The following F13A1 variants were observed in gnomAD, a reference collection of about 807,000 sequenced individuals.
F13A1 encodes FSF, A subunit.
In F13A1, 47 loss-of-function variants were observed where a neutral mutation model predicts 80.1. The observed-to-expected ratio is 0.59, with a 90% CI of 0.46 to 0.75. The LOEUF is 0.75. Among genes scored for constraint, F13A1 ranks in the 30% least tolerant of loss-of-function variants. The probability of loss-of-function intolerance (pLI) is 0.00; values close to 1 mark genes in which losing one functional copy is unlikely to be tolerated. For missense variants in F13A1, 817 were observed against 930.4 expected (o/e 0.88, Z 1.59); for synonymous variants, 349 against 344.9 (o/e 1.01, Z -0.13).
At chr6:6,191,918 A>G (rs1761208604) in intron 10 of F13A1, among the ~76,000 whole-genome samples, 1 of 152,234 alleles carries the variant, frequency 6.6e-6, no homozygotes, top group Non-Finnish European at 1.5e-5. Flanking sequence ...GATGAAAACA[A>G]CAGGGCAGAT....
At chr6:6,257,916 T>C (rs955856676) in intron 4 of F13A1, among the ~76,000 whole-genome samples, 1 of 152,256 alleles carries the variant, frequency 6.6e-6, no homozygotes, top group Non-Finnish European at 1.5e-5. Context: ...ACTTAGCACA[T>C]ATCCTCTAAG....
rs554340116 is a variant in F13A1, at chr6:6,287,843, A to G, written c.319+17508T>C. Among the ~76,000 whole-genome samples, 253 of 152,316 alleles carry G rather than the reference A, an allele frequency of 1.7e-3. 1 individual carries two copies. Among genetic ancestry groups the G allele is most frequent in the Non-Finnish European group, 2.1e-3 (145 of 68,020 alleles). On this transcript the variant is annotated intron_variant, in intron 3 of 14. Coordinates refer to ENST00000264870, the MANE Select transcript of F13A1 (RefSeq NM_000129.4). The stretch of plus-strand genomic sequence containing the variant: ...TGGCCTGTGGATTGTCAGAGCCCCT[A>G]TGTGACTAATGAAGCTGTCAGAATG...
At chr6:6,285,373 T>C (rs1758122895) in intron 3 of F13A1, among the ~76,000 whole-genome samples, 1 of 152,208 alleles carries the variant, frequency 6.6e-6, no homozygotes, top group South Asian at 2.1e-4. Context: ...TGGGACAAGA[T>C]GTTATAGAGA....
chr6:6,210,218 C>A lies in F13A1; in HGVS notation c.1112+11815G>T, dbSNP rs528945416. Among the ~76,000 whole-genome samples, 13 of 149,868 alleles carry A rather than the reference C, an allele frequency of 8.7e-5. 1 individual carries two copies. The South Asian group carries it at 2.5e-3, about 29-fold the overall frequency. On this transcript the variant is annotated intron_variant, in intron 8 of 14. Transcript: ENST00000264870. ...GCAATCCAGCTTGGGTGAGAGACAA[C>A]CTGTCTCAAAATAATAATAATAATA...
At chr6:6,221,897 C>CA in intron 8 of F13A1, 136 bp downstream of exon 8, 2 of 999,282 alleles carry the variant, frequency 2.0e-6, no homozygotes, top group Non-Finnish European at 3.0e-6. Flanking sequence ...CATTCTTTGA[C>CA]AATCAGAGTT....
At chr6:6,259,817 C>A (rs534750787) in intron 4 of F13A1, among the ~76,000 whole-genome samples, 1 of 152,156 alleles carries the variant, frequency 6.6e-6, no homozygotes, top group Non-Finnish European at 1.5e-5. Flanking sequence ...AACAACTTAT[C>A]AAGAGGAGAA....
Position 6,224,790 on chromosome 6 carries a change from G to C in F13A1, c.869C>G (p.Pro290Arg). ...WDNIYAYGVPPSAWTGSVDIL... is the reference protein window; with the variant it reads ...WDNIYAYGVPRSAWTGSVDIL... ...GTCAACGCTTCCAGTCCAGGCCGAT[G>C]GGGGGACGCCATAGGCATAGATATT... Residue 290 changes from proline to arginine, a missense_variant, in exon 7 of 15, where the codon CCA (proline) becomes CGA (arginine). Physicochemically the swap from Pro to Arg is moderately radical, Grantham distance 103. Coordinates refer to ENST00000264870, the MANE Select transcript of F13A1 (RefSeq NM_000129.4). 1 of 1,614,084 alleles carries C rather than the reference G, an allele frequency of 6.2e-7. No homozygotes were observed. The highest frequency in any genetic ancestry group is 8.5e-7 in the Non-Finnish European group (1 of 1,179,952).
At chr6:6,168,431 C>T (rs1201638040) in intron 12 of F13A1, among the ~76,000 whole-genome samples, 3 of 152,178 alleles carry the variant, frequency 2.0e-5, no homozygotes, top group Non-Finnish European at 4.4e-5. Flanking sequence ...TTCCCACTGT[C>T]CAGGATTCTA....
At position 6,195,704 on chromosome 6, in the gene F13A1, T is replaced by C. The variant is rs533747347; in HGVS notation, c.1305+93A>G. ...CAACACGAAGCATACGCTATGTACC[T>C]GGAAAACTTAGAAACAACAACTTTT... On this transcript the variant is annotated intron_variant, in intron 10 of 14. Coordinates refer to ENST00000264870, the MANE Select transcript of F13A1 (RefSeq NM_000129.4). 1.1e-3 allele frequency: 1,337 copies of C among 1,166,102 alleles called. 1 individual carries two copies. The highest frequency in any genetic ancestry group is 1.7e-3 in the Middle Eastern group (9 of 5,290). The allele number at this position is 1,166,102 out of a possible 1,614,324, so 72.2% of individuals were successfully genotyped here. A position where few individuals can be genotyped will look rare whatever the true frequency, so the allele number is the denominator to read the frequency against.
rs1450429334 is a variant in F13A1, at chr6:6,316,098, T to C, written c.130+2437A>G. 4.3e-3 allele frequency among the ~76,000 whole-genome samples: 118 copies of C among 27,352 alleles called. 5 individuals carry two copies. The highest frequency in any genetic ancestry group is 0.015 in the African/African-American group (73 of 5,028). The allele number at this position is 27,352 out of a possible 152,430, so 17.9% of individuals were successfully genotyped here. A position where few individuals can be genotyped will look rare whatever the true frequency, so the allele number is the denominator to read the frequency against. On this transcript the variant is annotated intron_variant, in intron 2 of 14. Coordinates refer to ENST00000264870, the MANE Select transcript of F13A1 (RefSeq NM_000129.4). ...GTGTGCATATATATATATATATATA[T>C]ATATATATATATATATATATATATA...
At chr6:6,195,915 G>A (rs894835557) in intron 9 of F13A1, 30 bp from the exon 10 acceptor site, 1 of 1,597,082 alleles carries the variant, frequency 6.3e-7, no homozygotes, top group Non-Finnish European at 8.6e-7. Context: ...GGCGGTGTGA[G>A]TTTGTCATCT....
chr6:6,316,076 T>TGC (rs1758675700), intron 2 of F13A1, among the ~76,000 whole-genome samples: 1 of 78,206 alleles, frequency 1.3e-5, no homozygotes, highest in Non-Finnish European at 2.4e-5. Context: ...TATGTGTGTG[T>TGC]GCATATATAT....
intron 11 of F13A1, 57 bp from the exon 12 acceptor site, chr6:6,174,924 C>A: frequency 1.2e-6 from 2 of 1,601,278 alleles, no homozygotes; most frequent in South Asian, 2.2e-5. Flanking sequence ...GAGAGAAAGT[C>A]ACATTAATGG....
chr6:6,169,944 G>T (rs1437786359), intron 12 of F13A1, among the ~76,000 whole-genome samples: 1 of 152,162 alleles, frequency 6.6e-6, no homozygotes, highest in East Asian at 1.9e-4. Context: ...CCTTGACCTT[G>T]GCCCCCAGGT....
At chr6:6,302,753 A>T (rs192336432) in intron 3 of F13A1, among the ~76,000 whole-genome samples, 6 of 152,320 alleles carry the variant, frequency 3.9e-5, no homozygotes, top group African/African-American at 1.4e-4. Flanking sequence ...TGACATCACT[A>T]TGTAACAGGA....
intron 6 of F13A1, among the ~76,000 whole-genome samples, chr6:6,231,987 A>T (rs1291740489): frequency 6.6e-6 from 1 of 152,226 alleles, no homozygotes; most frequent in Non-Finnish European, 1.5e-5. Context: ...TAAAGCATAA[A>T]TCACACAGGA....
intron 6 of F13A1, among the ~76,000 whole-genome samples, chr6:6,226,809 G>T (rs923697831): frequency 6.6e-6 from 1 of 152,146 alleles, no homozygotes; most frequent in African/African-American, 2.4e-5. Context: ...GGAGAGAGAT[G>T]GTCAAGAAAC....
chr6:6,259,153 G>A (rs1757744669), intron 4 of F13A1, among the ~76,000 whole-genome samples: 2 of 152,160 alleles, frequency 1.3e-5, no homozygotes. Flanking sequence ...CATGGGCATG[G>A]GATGCGACAT....
chr6:6,210,686 A>G (rs3024428), intron 8 of F13A1, among the ~76,000 whole-genome samples: 138,232 of 151,766 alleles, frequency 0.91, 63,094 homozygotes, highest in East Asian at 1. Context: ...GAGCCACCTC[A>G]CCAGGCCGTG....
Sources: gnomAD v4.1 joint callset for allele counts (sites outside exome capture counted in the v4.1 genomes callset) on GRCh38, gnomAD v4.1.1 for gene constraint, MANE v1.5 for transcripts, NCBI Gene and HGNC (gene_info 2026-07-23, HGNC 2026-07-21) for gene names.